The following MARCHF3 variants were observed in gnomAD, a reference collection of about 807,000 sequenced individuals.
MARCHF3 encodes E3 ubiquitin-protein ligase MARCHF3.
In MARCHF3, 13 loss-of-function variants were observed where a neutral mutation model predicts 24.2. The ratio of observed to expected loss-of-function variants is 0.54; its 90% CI spans 0.35 to 0.85. The LOEUF is 0.85. Among genes scored for constraint, MARCHF3 ranks in the 40% least tolerant of loss-of-function variants. The probability of loss-of-function intolerance (pLI) is 0.01; values close to 1 mark genes in which losing one functional copy is unlikely to be tolerated. For missense variants in MARCHF3, 276 were observed against 325.0 expected, an observed-to-expected ratio of 0.85 and a Z score of 1.16; for synonymous variants, 144 against 137.3, an observed-to-expected ratio of 1.05 and a Z score of -0.34.
At chr5:127,025,308 T>TAA (rs56148099) in intron 1 of MARCHF3, among the ~76,000 whole-genome samples, 58 of 133,760 alleles carry the variant, frequency 4.3e-4, no homozygotes, top group Non-Finnish European at 8.1e-4. Flanking sequence ...AAAAAGTTAT[T>TAA]AAAAAAAAAA....
chr5:126,996,748 G>T (rs889212513), intron 1 of MARCHF3, among the ~76,000 whole-genome samples: 1 of 151,472 alleles, frequency 6.6e-6, no homozygotes, highest in Non-Finnish European at 1.5e-5. Context: ...TCATCAACAG[G>T]GAACTGATTA....
intron 1 of MARCHF3, among the ~76,000 whole-genome samples, chr5:126,971,046 G>A (rs755078309): frequency 4.6e-5 from 7 of 152,146 alleles, no homozygotes; most frequent in Non-Finnish European, 1.0e-4. Flanking sequence ...CAAGAACAGA[G>A]AGAAATCTGA....
At chr5:126,930,759 G>A (rs1384898998) in intron 1 of MARCHF3, among the ~76,000 whole-genome samples, 2 of 152,212 alleles carry the variant, frequency 1.3e-5, no homozygotes, top group Non-Finnish European at 2.9e-5. Flanking sequence ...GCAGTTCATA[G>A]GTATTCCCCA....
chr5:126,896,206 G>A (rs998027283), intron 3 of MARCHF3, among the ~76,000 whole-genome samples: 1 of 152,154 alleles, frequency 6.6e-6, no homozygotes, highest in Non-Finnish European at 1.5e-5. Flanking sequence ...TGCGCCCACT[G>A]TCTGGCACTC....
intron 1 of MARCHF3, among the ~76,000 whole-genome samples, chr5:126,938,413 C>A (rs886952260): frequency 1.1e-4 from 16 of 151,904 alleles, no homozygotes; most frequent in African/African-American, 3.9e-4. Context: ...TGTGATCTGC[C>A]CACCTCGGCC....
intron 1 of MARCHF3, among the ~76,000 whole-genome samples, chr5:126,960,335 T>C: frequency 6.6e-6 from 1 of 152,188 alleles, no homozygotes; most frequent in East Asian, 1.9e-4. Flanking sequence ...GTTCAGGCTG[T>C]ATAAATCATG....
At chr5:127,026,487 T>C (rs1753004061) in intron 1 of MARCHF3, among the ~76,000 whole-genome samples, 4 of 152,244 alleles carry the variant, frequency 2.6e-5, no homozygotes, top group Admixed American at 2.6e-4. Flanking sequence ...GTCAGGGTCA[T>C]TGAACTAATT....
chr5:126,983,648 T>C (rs116771298), intron 1 of MARCHF3, among the ~76,000 whole-genome samples: 2,099 of 152,280 alleles, frequency 0.014, 54 homozygotes, highest in African/African-American at 0.049. Flanking sequence ...TGATTTATGA[T>C]GCTGAGGTCA....
In MARCHF3 at chr5:126,889,707, G is replaced by A. The variant is rs142798526; in HGVS notation, c.394-11313C>T. Among the ~76,000 whole-genome samples the A allele has an allele frequency of 2.5e-4, 38 of 152,254 alleles. No homozygotes were observed. The South Asian group carries it at 6.9e-3, about 27-fold the overall frequency. On this transcript the variant is annotated intron_variant, in intron 3 of 4. Coordinates refer to ENST00000308660, the MANE Select transcript of MARCHF3 (RefSeq NM_178450.5). Reference sequence around the variant, plus strand: ...GCCTAAAAGGGCCCCACATATTTACGAGGGCCTGGCTGACTTGGCTGACAT... The same window carrying A: ...GCCTAAAAGGGCCCCACATATTTACAAGGGCCTGGCTGACTTGGCTGACAT...
At chr5:126,967,134 A>C (rs56118017) in intron 1 of MARCHF3, among the ~76,000 whole-genome samples, 1 of 151,320 alleles carries the variant, frequency 6.6e-6, no homozygotes, top group Non-Finnish European at 1.5e-5. Context: ...TAATCTGCTA[A>C]GATAATCAAG....
At chr5:126,884,767 G>A (rs938100021) in intron 3 of MARCHF3, among the ~76,000 whole-genome samples, 6 of 152,156 alleles carry the variant, frequency 3.9e-5, no homozygotes, top group South Asian at 2.1e-4. Flanking sequence ...AGGCTAGGTC[G>A]CCATCATCTC....
At position 126,989,548 on chromosome 5, in the gene MARCHF3, A is replaced by G. The variant is rs140009599; in HGVS notation, c.-57+40802T>C. ...TTGTTCGTGTCTAAGTGCTGGTGCA[A>G]TGTAAATCTAAGTGGAAAAATGGAT... On this transcript the variant is annotated intron_variant, in intron 1 of 4. Coordinates refer to ENST00000308660, the MANE Select transcript of MARCHF3 (RefSeq NM_178450.5). Among the ~76,000 whole-genome samples, 448 of 152,110 alleles carry G rather than the reference A, an allele frequency of 2.9e-3. 6 individuals carry two copies. Among genetic ancestry groups the G allele is most frequent in the African/African-American group, 0.01 (429 of 41,488 alleles).
intron 3 of MARCHF3, among the ~76,000 whole-genome samples, chr5:126,909,348 C>G (rs945859606): frequency 6.6e-6 from 1 of 152,218 alleles, no homozygotes; most frequent in Non-Finnish European, 1.5e-5. Flanking sequence ...TGGGCTCCAC[C>G]CAGTTCAAGC....
chr5:126,995,097 A>G (rs551434106), intron 1 of MARCHF3, among the ~76,000 whole-genome samples: 5 of 152,332 alleles, frequency 3.3e-5, no homozygotes, highest in African/African-American at 1.2e-4. Context: ...CCACTGACTC[A>G]AATGTGAATC....
intron 3 of MARCHF3, among the ~76,000 whole-genome samples, chr5:126,892,468 T>G (rs1327352335): frequency 6.7e-6 from 1 of 148,266 alleles, no homozygotes; most frequent in South Asian, 2.2e-4. Context: ...GTCCCATCAA[T>G]ACCTAATTTA....
At chr5:126,949,504 T>C (rs1191491455) in intron 1 of MARCHF3, among the ~76,000 whole-genome samples, 1 of 152,220 alleles carries the variant, frequency 6.6e-6, no homozygotes, top group Non-Finnish European at 1.5e-5. Flanking sequence ...TTTGCATTCC[T>C]GGACCAGGGA....
chr5:126,912,902 A>T (rs1297147812), intron 3 of MARCHF3, among the ~76,000 whole-genome samples: 1 of 152,240 alleles, frequency 6.6e-6, no homozygotes. Context: ...TTGTGCAATG[A>T]AAATTTCATC....
chr5:126,997,255 C>G (rs951285827), intron 1 of MARCHF3, among the ~76,000 whole-genome samples: 3 of 151,982 alleles, frequency 2.0e-5, no homozygotes, highest in African/African-American at 7.3e-5. Context: ...AGTACACGGA[C>G]AAGTTAATAC....
intron 1 of MARCHF3, among the ~76,000 whole-genome samples, chr5:126,967,182 T>C (rs1429750356): frequency 1.3e-5 from 2 of 151,964 alleles, no homozygotes; most frequent in East Asian, 3.9e-4. Context: ...TCCCCAGCTA[T>C]TGATTTTCAA....
Sources: allele counts gnomAD v4.1 joint callset (sites outside exome capture counted in the v4.1 genomes callset), GRCh38; gene constraint gnomAD v4.1.1; transcripts MANE v1.5; gene names NCBI Gene and HGNC (gene_info 2026-07-23, HGNC 2026-07-21).